ADGRL3: variants seen among roughly 807,000 people sequenced by gnomAD.
ADGRL3 encodes the protein adhesion G protein-coupled receptor L3.
A neutral mutation model predicts 153.5 loss-of-function variants in ADGRL3; 62 were observed. The ratio of observed to expected loss-of-function variants is 0.40; its 90% CI spans 0.33 to 0.50. ADGRL3 has a LOEUF of 0.50. ADGRL3 is among the 20% of genes least tolerant of loss of function. The probability of loss-of-function intolerance (pLI) is 0.47; values close to 1 mark genes in which losing one functional copy is unlikely to be tolerated. For synonymous variants in ADGRL3, 710 were observed against 672.5 expected (o/e 1.06, Z -0.86); for missense variants, 1,641 against 1,859.4 (o/e 0.88, Z 2.16).
At chr4:61,352,576 G>C (rs191262743) in intron 1 of ADGRL3, among the ~76,000 whole-genome samples, 70 of 151,870 alleles carry the variant, frequency 4.6e-4, no homozygotes, top group African/African-American at 1.5e-3. Context: ...GTAGAGACAG[G>C]GTCTCACCAT....
chr4:62,007,787 G>T (rs2151201133), intron 21 of ADGRL3, among the ~76,000 whole-genome samples: 1 of 151,992 alleles, frequency 6.6e-6, no homozygotes, highest in South Asian at 2.1e-4. Context: ...AACGGGTCAG[G>T]GTCGATTTTA....
intron 1 of ADGRL3, among the ~76,000 whole-genome samples, chr4:61,367,547 T>C (rs1234339165): frequency 4.0e-5 from 6 of 151,264 alleles, no homozygotes; most frequent in African/African-American, 1.5e-4. Context: ...TTCATCCATG[T>C]CCCTACAAAG....
intron 5 of ADGRL3, among the ~76,000 whole-genome samples, chr4:61,608,898 C>A (rs74742819): frequency 0.014 from 2,190 of 152,218 alleles, 44 homozygotes; most frequent in African/African-American, 0.048. Flanking sequence ...TTATAATCTT[C>A]TTTTGGAAAA....
At chr4:61,650,306 T>C (rs10020698) in intron 5 of ADGRL3, among the ~76,000 whole-genome samples, 85,662 of 151,924 alleles carry the variant, frequency 0.56, 26,484 homozygotes, top group Non-Finnish European at 0.72. Flanking sequence ...TCTCTCAAAA[T>C]ATTTACTGTA....
At chr4:61,608,668 T>A (rs2149645243) in intron 5 of ADGRL3, among the ~76,000 whole-genome samples, 1 of 152,330 alleles carries the variant, frequency 6.6e-6, no homozygotes, top group Admixed American at 6.5e-5. Context: ...CTGTGAATTT[T>A]GTTTTCTAAA....
intron 6 of ADGRL3, among the ~76,000 whole-genome samples, chr4:61,688,176 C>T (rs1561065309): frequency 2.0e-5 from 3 of 151,968 alleles, no homozygotes; most frequent in Non-Finnish European, 4.4e-5. Flanking sequence ...AAAACAGAAA[C>T]AAATACAGGA....
chr4:61,893,321 G>A (rs2098603213), intron 10 of ADGRL3, among the ~76,000 whole-genome samples: 1 of 152,064 alleles, frequency 6.6e-6, no homozygotes, highest in East Asian at 1.9e-4. Flanking sequence ...CATAGTTTCA[G>A]GTCTCTGGGT....
intron 2 of ADGRL3, among the ~76,000 whole-genome samples, chr4:61,444,873 C>T (rs577841311): frequency 4.0e-5 from 6 of 151,770 alleles, no homozygotes; most frequent in Non-Finnish European, 8.8e-5. Flanking sequence ...GGCAACATGG[C>T]GAAACCTTGT....
intron 17 of ADGRL3, among the ~76,000 whole-genome samples, chr4:61,976,253 T>C (rs1346025587): frequency 1.3e-5 from 2 of 152,186 alleles, no homozygotes; most frequent in African/African-American, 2.4e-5. Context: ...TGTGCCATTA[T>C]CACATTGGTA....
rs573258649 is a variant in ADGRL3 at position 61,710,949 on chromosome 4, A to C, written c.584-19673A>C. Among the ~76,000 whole-genome samples, 67 of 152,284 alleles carry C rather than the reference A, an allele frequency of 4.4e-4. 1 individual carries two copies. The South Asian group carries it at 0.014, about 31-fold the overall frequency. ...CTCTACTAACTTAATTTAACATTCC[A>C]TCCAGCAGACATTATAGTTCTCAGC... On this transcript the variant is annotated intron_variant, in intron 6 of 26. Coordinates refer to ENST00000683033, the MANE Select transcript of ADGRL3 (RefSeq NM_001387552.1).
rs577286628 is a variant in ADGRL3 at position 61,980,625 on chromosome 4, G to A, written c.3015+853G>A. ...CAGCTAATTTTTTGTATTTTTAGTA[G>A]AGACAAGGTTTCGCCATGTTGTTCA... On this transcript the variant is annotated intron_variant, in intron 18 of 26. Coordinates refer to ENST00000683033, the MANE Select transcript of ADGRL3 (RefSeq NM_001387552.1). 1.2e-4 allele frequency among the ~76,000 whole-genome samples: 18 copies of A among 151,966 alleles called. 1 individual carries two copies. The highest frequency in any genetic ancestry group is 3.9e-4 in the Admixed American group (6 of 15,248).
intron 1 of ADGRL3, among the ~76,000 whole-genome samples, chr4:61,216,378 T>C (rs1392095253): frequency 1.3e-5 from 2 of 152,158 alleles, no homozygotes; most frequent in Non-Finnish European, 2.9e-5. Context: ...TTTTTTTTAA[T>C]GTTTATATTA....
chr4:62,063,526 T>C, intron 25 of ADGRL3: 2 of 695,766 alleles, frequency 2.9e-6, no homozygotes, highest in Admixed American at 2.0e-5. Context: ...AATCATCTTA[T>C]AAGCAATGCT....
chr4:61,311,763 C>A (rs2095022514), intron 1 of ADGRL3, among the ~76,000 whole-genome samples: 1 of 152,152 alleles, frequency 6.6e-6, no homozygotes, highest in African/African-American at 2.4e-5. Context: ...GTCAAAAAAG[C>A]CATGCTTAGG....
chr4:61,362,282 C>A lies in ADGRL3; in HGVS notation c.-239-20842C>A, dbSNP rs1445705418. ...CCTCCCAAAGTGCTGGGATAACAGG[C>A]ATGACTCATGGCACCCTGCCTGATA... On this transcript the variant is annotated intron_variant, in intron 1 of 26. Coordinates refer to ENST00000683033, the MANE Select transcript of ADGRL3 (RefSeq NM_001387552.1). 6.6e-5 allele frequency among the ~76,000 whole-genome samples: 10 copies of A among 151,078 alleles called. No individual in the cohort carries two copies. The East Asian group carries it at 1.6e-3, about 24-fold the overall frequency.
intron 6 of ADGRL3, among the ~76,000 whole-genome samples, chr4:61,705,907 C>CT (rs1175615351): frequency 6.6e-6 from 1 of 152,084 alleles, no homozygotes; most frequent in African/African-American, 2.4e-5. Flanking sequence ...GTTATTCGGG[C>CT]TTTGATATTC....
chr4:61,484,388 T>C (rs1329403798), intron 2 of ADGRL3, among the ~76,000 whole-genome samples: 2 of 152,190 alleles, frequency 1.3e-5, no homozygotes, highest in Non-Finnish European at 2.9e-5. Context: ...TACCTAATAC[T>C]TTCCTTAGTT....
intron 4 of ADGRL3, among the ~76,000 whole-genome samples, chr4:61,535,993 G>A (rs913994324): frequency 6.6e-6 from 1 of 151,934 alleles, no homozygotes; most frequent in Non-Finnish European, 1.5e-5. Context: ...ATATTAGGTT[G>A]TTAATTGGAA....
intron 18 of ADGRL3, 98 bp downstream of exon 18, chr4:61,979,870 T>G: frequency 9.6e-7 from 1 of 1,041,476 alleles, no homozygotes. Flanking sequence ...GTATCATTTC[T>G]TCTAGTCATC....
Sources: gnomAD v4.1 joint callset for allele counts (sites outside exome capture counted in the v4.1 genomes callset) on GRCh38, gnomAD v4.1.1 for gene constraint, MANE v1.5 for transcripts, NCBI Gene and HGNC (gene_info 2026-07-23, HGNC 2026-07-21) for gene names.